ABCC9: variants seen among roughly 807,000 people sequenced by gnomAD.
ABCC9 encodes the protein ATP-binding cassette sub-family C member 9.
Under a neutral mutation model 188.3 loss-of-function variants are expected in ABCC9, and 95 were observed. The ratio of observed to expected loss-of-function variants is 0.50; its 90% CI spans 0.43 to 0.60. The LOEUF (loss-of-function observed/expected upper bound fraction) is 0.60, where lower values mean the gene tolerates loss of function less well. Ranked by LOEUF, ABCC9 falls within the 20% of genes least tolerant of loss-of-function variation. The pLI, the probability that ABCC9 is intolerant of heterozygous loss-of-function variation, is 0.00. For missense variants in ABCC9, 1,102 were observed against 1,876.3 expected (o/e 0.59, Z 7.62); for synonymous variants, 659 against 652.7 (o/e 1.01, Z -0.15).
intron 12 of ABCC9, among the ~76,000 whole-genome samples, chr12:21,903,901 G>T (rs1385012182): frequency 6.6e-6 from 1 of 152,176 alleles, no homozygotes; most frequent in Admixed American, 6.5e-5. Context: ...AGCTACCAAT[G>T]ACTTTCTTCA....
Position 21,911,035 on chromosome 12 carries a change from G to A in ABCC9, c.1012-57C>T. The A allele has an allele frequency of 5.8e-6, 9 of 1,540,086 alleles. No individual in the cohort carries two copies. In the South Asian group the frequency reaches 1.0e-4, roughly 17 times the overall value. On this transcript the variant is annotated intron_variant, in intron 8 of 39. Transcript: ENST00000261200. ...AAACTCGTCTTTTTATAGACCAGGT[G>A]TACAGTTTGCATTTATTAAAAGATA...
intron 16 of ABCC9, among the ~76,000 whole-genome samples, chr12:21,878,403 A>G (rs1946468542): frequency 6.6e-6 from 1 of 152,214 alleles, no homozygotes; most frequent in East Asian, 1.9e-4. Context: ...ATCCAACCTC[A>G]TGCCTTCTAC....
At chr12:21,808,903 T>G (rs1256839598) in intron 37 of ABCC9, among the ~76,000 whole-genome samples, 1 of 152,076 alleles carries the variant, frequency 6.6e-6, no homozygotes, top group Non-Finnish European at 1.5e-5. Flanking sequence ...TGTCTTAACT[T>G]TTGTTTGTGG....
At chr12:21,802,642 C>T (rs1017638628) in intron 39 of ABCC9, among the ~76,000 whole-genome samples, 2 of 152,134 alleles carry the variant, frequency 1.3e-5, no homozygotes, top group South Asian at 2.1e-4. Context: ...CAAATAATAG[C>T]CACATGTGGC....
intron 21 of ABCC9, among the ~76,000 whole-genome samples, 200 bp downstream of exon 21, chr12:21,860,771 A>G (rs909643252): frequency 1.3e-5 from 2 of 152,190 alleles, no homozygotes; most frequent in Non-Finnish European, 2.9e-5. Flanking sequence ...TTAAGTATAC[A>G]GTGATTACTC....
chr12:21,901,898 G>C (rs1213559799), intron 12 of ABCC9, among the ~76,000 whole-genome samples: 1 of 152,080 alleles, frequency 6.6e-6, no homozygotes, highest in Non-Finnish European at 1.5e-5. Context: ...AGATCAACAA[G>C]ACAGAAAGTT....
At chr12:21,931,856 G>A (rs1949302531) in intron 4 of ABCC9, among the ~76,000 whole-genome samples, 1 of 152,070 alleles carries the variant, frequency 6.6e-6, no homozygotes, top group Non-Finnish European at 1.5e-5. Context: ...AATGTCTGGA[G>A]GGATGGCATC....
chr12:21,879,169 A>G (rs1435859585), intron 16 of ABCC9, among the ~76,000 whole-genome samples: 1 of 152,226 alleles, frequency 6.6e-6, no homozygotes, highest in Non-Finnish European at 1.5e-5. Flanking sequence ...TTGAGAGCAC[A>G]TAGACACTTA....
At chr12:21,889,588 T>C (rs1049759005) in intron 14 of ABCC9, among the ~76,000 whole-genome samples, 2 of 152,170 alleles carry the variant, frequency 1.3e-5, no homozygotes, top group Non-Finnish European at 2.9e-5. Context: ...GGAATGTTTG[T>C]TCAATAAATC....
At chr12:21,847,277 G>A (rs1409513227) in intron 25 of ABCC9, among the ~76,000 whole-genome samples, 2 of 152,072 alleles carry the variant, frequency 1.3e-5, no homozygotes, top group Non-Finnish European at 2.9e-5. Flanking sequence ...TTTATATAGA[G>A]TTCTAGAAGC....
At chr12:21,916,211 C>T (rs1948598330) in intron 6 of ABCC9, among the ~76,000 whole-genome samples, 3 of 152,240 alleles carry the variant, frequency 2.0e-5, no homozygotes, top group South Asian at 4.1e-4. Flanking sequence ...ATGATAGGGT[C>T]AACCAAATGA....
In ABCC9 at chr12:21,805,995, T is replaced by TA; in HGVS notation, c.4512+2dup. The TA allele has an allele frequency of 6.2e-7, 1 of 1,613,770 alleles. No individual in the cohort carries two copies. The highest frequency in any genetic ancestry group is 8.5e-7 in the Non-Finnish European group (1 of 1,179,758). ...TATACCAACTCCGTCTTCTCATACT[T>TA]ACAGCTATTGTCACCACGGTCCGGT... On this transcript the variant is annotated splice_region_variant and intron_variant, in intron 39 of 39. Coordinates refer to ENST00000261200, the MANE Select transcript of ABCC9 (RefSeq NM_020297.4).
rs1008931626 is a variant in ABCC9, at chr12:21,873,004, T to C, written c.2093-274A>G. 4.6e-5 allele frequency among the ~76,000 whole-genome samples: 7 copies of C among 151,956 alleles called. No homozygotes were observed. The East Asian group carries it at 1.3e-3, about 29-fold the overall frequency. ...TAATTGCCTAGATTATCGAGATTAG[T>C]TTTAACTTTAATATTCAATTCATTC... is the stretch of plus-strand genomic sequence containing the variant. On this transcript the variant is annotated intron_variant, in intron 17 of 39. Transcript: ENST00000261200.
chr12:21,847,729 C>G (rs529510271), intron 25 of ABCC9, among the ~76,000 whole-genome samples: 1 of 152,156 alleles, frequency 6.6e-6, no homozygotes, highest in East Asian at 1.9e-4. Flanking sequence ...GTCATGAAAA[C>G]CTCATGAAGA....
intron 36 of ABCC9, among the ~76,000 whole-genome samples, chr12:21,811,375 T>G (rs1032101840): frequency 3.3e-5 from 5 of 152,304 alleles, no homozygotes; most frequent in Admixed American, 1.3e-4. Context: ...GATGCCAACA[T>G]GGACTTTGGA....
intron 15 of ABCC9, among the ~76,000 whole-genome samples, chr12:21,885,036 A>G (rs920725635): frequency 6.6e-6 from 1 of 152,198 alleles, no homozygotes; most frequent in African/African-American, 2.4e-5. Context: ...CACAAAACTA[A>G]GAACAGGGTG....
intron 28 of ABCC9, 120 bp from the exon 29 acceptor site, chr12:21,842,591 G>T: frequency 2.0e-6 from 2 of 982,104 alleles, no homozygotes; most frequent in Non-Finnish European, 3.2e-6. Flanking sequence ...TAGTGTATAA[G>T]CATGTTCATC....
intron 18 of ABCC9, among the ~76,000 whole-genome samples, chr12:21,868,049 G>A (rs1377941276): frequency 2.0e-5 from 3 of 152,180 alleles, no homozygotes; most frequent in East Asian, 1.9e-4. Context: ...AGCACACTTG[G>A]ATGCAAGATT....
rs146564901 is a variant in ABCC9 at position 21,909,863 on chromosome 12, G to A, written c.1320+294C>T. On this transcript the variant is annotated intron_variant, in intron 10 of 39. Transcript: ENST00000261200. ...ACCTTGACAATTCCCACAACTTTAC[G>A]AGAAGTACTATTATTATTCTCATTT... is the stretch of plus-strand genomic sequence containing the variant. 4.6e-5 allele frequency among the ~76,000 whole-genome samples: 7 copies of A among 151,906 alleles called. No homozygotes were observed. In the East Asian group the frequency reaches 1.2e-3, roughly 25 times the overall value.
Sources: gnomAD v4.1 joint callset for allele counts (sites outside exome capture counted in the v4.1 genomes callset) on GRCh38, gnomAD v4.1.1 for gene constraint, MANE v1.5 for transcripts, NCBI Gene and HGNC (gene_info 2026-07-23, HGNC 2026-07-21) for gene names.